RAET1L: variants seen among roughly 807,000 people sequenced by gnomAD.
RAET1L encodes UL16-binding protein 6.
In RAET1L, 16 loss-of-function variants were observed where a neutral mutation model predicts 23.9. That is an observed-to-expected ratio of 0.67 (90% CI 0.45 to 1.02). The LOEUF is 1.02. Ranked by LOEUF, RAET1L falls within the 50% of genes least tolerant of loss-of-function variation. The pLI, the probability that RAET1L is intolerant of heterozygous loss-of-function variation, is 0.00. For missense variants in RAET1L, 233 were observed against 304.0 expected (o/e 0.77, Z 1.74); for synonymous variants, 70 against 111.2 (o/e 0.63, Z 2.33).
At chr6:150,019,463 A>G (rs1173675542) in intron 4 of RAET1L, among the ~76,000 whole-genome samples, 5 of 152,150 alleles carry the variant, frequency 3.3e-5, no homozygotes, top group Non-Finnish European at 4.4e-5. Context: ...CAGGAGTGTG[A>G]TGGCAGGGGA....
At chr6:150,023,439 A>C (rs1183053227) in intron 1 of RAET1L, among the ~76,000 whole-genome samples, 2 of 152,084 alleles carry the variant, frequency 1.3e-5, no homozygotes, top group Non-Finnish European at 2.9e-5. Context: ...CTAGTGAGGA[A>C]GGACCCTTTA....
intron 1 of RAET1L, among the ~76,000 whole-genome samples, chr6:150,024,644 T>TC (rs1254459887): frequency 3.3e-5 from 5 of 151,780 alleles, no homozygotes. Flanking sequence ...GTGCTTCCCA[T>TC]CCCCCCTGCA....
chr6:150,021,210 G>C (rs563992666), intron 2 of RAET1L, 24 bp from the exon 3 acceptor site: 1 of 1,593,504 alleles, frequency 6.3e-7, no homozygotes, highest in South Asian at 1.1e-5. Flanking sequence ...AGAGAGATCA[G>C]CTCTGATCTT....
intron 4 of RAET1L, among the ~76,000 whole-genome samples, chr6:150,019,141 A>G (rs550006110): frequency 8.3e-4 from 126 of 152,140 alleles, no homozygotes; most frequent in Non-Finnish European, 1.5e-3. Context: ...GGCCCTCTTT[A>G]TCATCTGATG....
intron 1 of RAET1L, among the ~76,000 whole-genome samples, chr6:150,023,667 C>G (rs1779912844): frequency 6.6e-6 from 1 of 152,168 alleles, no homozygotes; most frequent in African/African-American, 2.4e-5. Context: ...CCCAATGACC[C>G]AAGACCCCCT....
intron 1 of RAET1L, among the ~76,000 whole-genome samples, chr6:150,025,117 G>C (rs776124289): frequency 6.6e-6 from 1 of 152,154 alleles, no homozygotes; most frequent in Non-Finnish European, 1.5e-5. Context: ...CTAGGAATCC[G>C]GGCCCCACCT....
At chr6:150,024,614 G>A (rs1165951288) in intron 1 of RAET1L, among the ~76,000 whole-genome samples, 1 of 151,946 alleles carries the variant, frequency 6.6e-6, no homozygotes, top group Non-Finnish European at 1.5e-5. Context: ...AGAGTTCCCA[G>A]GGTCATCCTG....
intron 1 of RAET1L, among the ~76,000 whole-genome samples, chr6:150,025,085 C>A (rs1360342417): frequency 6.6e-6 from 1 of 152,144 alleles, no homozygotes; most frequent in African/African-American, 2.4e-5. Context: ...TTCCGAAAGG[C>A]GGGTGGGACT....
chr6:150,024,357 G>C (rs1284506891), intron 1 of RAET1L, among the ~76,000 whole-genome samples: 2 of 152,184 alleles, frequency 1.3e-5, no homozygotes, highest in African/African-American at 4.8e-5. Flanking sequence ...ACCTAGGACA[G>C]GGTCCAAATC....
At chr6:150,019,065 C>T (rs760880835) in intron 4 of RAET1L, among the ~76,000 whole-genome samples, 1 of 152,138 alleles carries the variant, frequency 6.6e-6, no homozygotes, top group African/African-American at 2.4e-5. Flanking sequence ...TGCACCTGAC[C>T]AGGGGATGGA....
In RAET1L at chr6:150,020,962, C is replaced by G. The variant is rs201443919; in HGVS notation, c.574G>C (p.Gly192Arg). The change falls in exon 3 of 5, where the codon GGA (glycine) becomes CGA (arginine). Residue 192 changes from glycine to arginine, a missense_variant. Transcript: ENST00000367341. The part of the protein sequence containing the change: ...FHYISMGDCI[G>R]WLEDFLMGMD... Reference sequence around the variant, plus strand: ...CCCATCAAGAAGTCCTCAAGCCATCCTATGCAGTCTCCCATTGAGATGTAA... The same window carrying G: ...CCCATCAAGAAGTCCTCAAGCCATCGTATGCAGTCTCCCATTGAGATGTAA... The G allele has an allele frequency of 2.0e-5, 33 of 1,614,216 alleles. No individual in the cohort carries two copies. In the East Asian group the frequency reaches 7.1e-4, roughly 35 times the overall value.
chr6:150,021,095 G>A lies in RAET1L; in HGVS notation c.441C>T (p.Thr147=). ...TCTTCTCTGAGTCAAAGAGTAGGAA[G>A]GTCTGTCCATCGATACTGAACTGCC... is the stretch of plus-strand genomic sequence containing the variant. ...GSWQFSIDGQ[T]FLLFDSEKRM... Residue 147 remains threonine, a synonymous_variant, in exon 3 of 5, where the codon ACC becomes ACT. Transcript: ENST00000367341. 6.2e-7 allele frequency: 1 copy of A among 1,614,160 alleles called. No individual in the cohort carries two copies. Among genetic ancestry groups the A allele is most frequent in the African/African-American group, 1.3e-5 (1 of 75,034 alleles).
At chr6:150,021,872 G>A (rs1273890531) in intron 2 of RAET1L, 108 bp downstream of exon 2, 26 of 1,312,492 alleles carry the variant, frequency 2.0e-5, no homozygotes, top group African/African-American at 7.1e-5. Flanking sequence ...GACTACAGGC[G>A]TGAGCCACCG....
intron 3 of RAET1L, 39 bp downstream of exon 3, chr6:150,020,866 G>A (rs1339776005): frequency 6.2e-7 from 1 of 1,606,942 alleles, no homozygotes; most frequent in Non-Finnish European, 8.5e-7. Context: ...CCCCATTTCT[G>A]ATCTCATTTA....
chr6:150,020,608 G>A (rs553341128), intron 3 of RAET1L, among the ~76,000 whole-genome samples: 6 of 152,244 alleles, frequency 3.9e-5, no homozygotes, highest in African/African-American at 1.4e-4. Flanking sequence ...CTCAAAAGAG[G>A]AAACACTAAG....
chr6:150,024,582 GA>G (rs1779925309), intron 1 of RAET1L, among the ~76,000 whole-genome samples: 1 of 151,562 alleles, frequency 6.6e-6, no homozygotes, highest in Non-Finnish European at 1.5e-5. Context: ...CCCAAGGGCA[GA>G]AGTGGGTGCC....
intron 3 of RAET1L, among the ~76,000 whole-genome samples, chr6:150,020,651 T>C (rs1212254129): frequency 6.6e-6 from 1 of 152,024 alleles, no homozygotes; most frequent in East Asian, 1.9e-4. Flanking sequence ...CACCTGCAGT[T>C]TCAAGGCTGG....
At chr6:150,020,278 C>T (rs201485280) in intron 3 of RAET1L, 39 bp from the exon 4 acceptor site, 12 of 1,026,376 alleles carry the variant, frequency 1.2e-5, no homozygotes, top group African/African-American at 1.6e-5. Flanking sequence ...CTTGTCCAGG[C>T]CCCAAATCTG....
rs1182577554 is a variant in RAET1L, at chr6:150,021,023, C to G, written c.513G>C (p.Lys171Asn). 30 of 1,614,086 alleles carry G rather than the reference C, an allele frequency of 1.9e-5. No individual in the cohort carries two copies. The highest frequency in any genetic ancestry group is 2.4e-5 in the Non-Finnish European group (28 of 1,180,050). Reference protein sequence around the residue: ...VHPGARKMKEKWENDKDVAMS... With the variant: ...VHPGARKMKENWENDKDVAMS... Reference sequence around the variant, plus strand: ...TGGCCACATCCTTGTCATTCTCCCACTTTTCTTTCATCTTTCTGGCTCCAG... The same window carrying G: ...TGGCCACATCCTTGTCATTCTCCCAGTTTTCTTTCATCTTTCTGGCTCCAG... The change falls in exon 3 of 5, where the codon AAG (lysine) becomes AAC (asparagine). Residue 171 changes from lysine to asparagine, a missense_variant. Lys to Asn is a moderately conservative substitution (Grantham distance 94, BLOSUM62 0). Coordinates refer to ENST00000367341, the MANE Select transcript of RAET1L (RefSeq NM_130900.3).
Sources: allele counts gnomAD v4.1 joint callset (sites outside exome capture counted in the v4.1 genomes callset), GRCh38; gene constraint gnomAD v4.1.1; transcripts MANE v1.5; gene names NCBI Gene and HGNC (gene_info 2026-07-23, HGNC 2026-07-21).